EPHB6: variants seen among roughly 807,000 people sequenced by gnomAD.
EPHB6 encodes the protein ephrin type-B receptor 6.
In EPHB6, 51 loss-of-function variants were observed where a neutral mutation model predicts 107.0. That is an observed-to-expected ratio of 0.48 (90% CI 0.38 to 0.60). EPHB6 has a LOEUF of 0.60. EPHB6 is among the 20% of genes least tolerant of loss of function. The pLI is 0.00. For synonymous variants in EPHB6, 553 were observed against 549.0 expected, an observed-to-expected ratio of 1.01 and a Z score of -0.10; for missense variants, 1,141 against 1,355.5, an observed-to-expected ratio of 0.84 and a Z score of 2.48.
At chr7:142,863,100 C>T in intron 4 of EPHB6, 27 bp from the exon 5 acceptor site, 1 of 725,230 alleles carries the variant, frequency 1.4e-6, no homozygotes, top group East Asian at 2.7e-5. Flanking sequence ...TCCCACCTGC[C>T]TCTTCTGGTC....
intron 6 of EPHB6, 74 bp downstream of exon 6, chr7:142,863,769 T>G: frequency 6.4e-7 from 1 of 1,554,720 alleles, no homozygotes; most frequent in South Asian, 1.1e-5. Context: ...GTGGAATTCA[T>G]GAAGGAAACC....
chr7:142,870,241 C>T lies in EPHB6; in HGVS notation c.2638C>T (p.Arg880Trp), dbSNP rs754820368. The T allele has an allele frequency of 4.3e-6, 7 of 1,614,182 alleles. No homozygotes were observed. The highest frequency in any genetic ancestry group is 5.9e-6 in the Non-Finnish European group (7 of 1,180,032). ...EVLNAIEQEF[R>W]LPPPPGCPPG... is the part of the protein sequence containing the mutation. ...ACTAAATGCAATAGAGCAGGAGTTC[C>T]GGCTGCCCCCGCCTCCAGGCTGTCC... The change falls in exon 18 of 20, where the codon CGG (arginine) becomes TGG (tryptophan). Residue 880 changes from arginine (R) to tryptophan (W), a missense_variant. Arg to Trp is a moderately radical substitution (Grantham distance 101). This residue lies in a region of EPHB6 where 616 missense variants were observed against 759.3 expected (regional missense o/e 0.81). Coordinates refer to ENST00000652003, the MANE Select transcript of EPHB6 (RefSeq NM_004445.6).
chr7:142,869,715 G>A lies in EPHB6; in HGVS notation c.2461-102G>A. On this transcript the variant is annotated intron_variant, in intron 16 of 19. Transcript: ENST00000652003. This position sits in a 1 kb window ranked among gnomAD's most constrained non-coding sequence, Gnocchi z 4.5. ...GGTTGTTATGAGGATTAAATGAGAT[G>A]CTTGATGTAAAACCCTTGGCATATC... 1 of 1,338,588 alleles carries A rather than the reference G, an allele frequency of 7.5e-7. No homozygotes were observed. The allele number at this position is 1,338,588 out of a possible 1,614,324, so 82.9% of individuals were successfully genotyped here. A position where few individuals can be genotyped will look rare whatever the true frequency, so the allele number is the denominator to read the frequency against.
At chr7:142,857,472 A>G (rs1802656251) in intron 1 of EPHB6, among the ~76,000 whole-genome samples, 1 of 152,214 alleles carries the variant, frequency 6.6e-6, no homozygotes, top group African/African-American at 2.4e-5. Flanking sequence ...CAAGGATTAT[A>G]CTGGAATTTC....
rs1586182157 is a variant in EPHB6 at position 142,871,049 on chromosome 7, C to T, written c.*145C>T. 3.8e-6 allele frequency: 3 copies of T among 782,534 alleles called. No individual in the cohort carries two copies. Among genetic ancestry groups the T allele is most frequent in the Non-Finnish European group, 6.5e-6 (3 of 463,284 alleles). The allele number at this position is 782,534 out of a possible 1,614,324, so 48.5% of individuals were successfully genotyped here. Reference sequence around the variant, plus strand: ...GGCTGCATTCCCTGGTCCTCCGCCTCTCCACCAGCCCCCTCCTCATTAAAG... The same window carrying T: ...GGCTGCATTCCCTGGTCCTCCGCCTTTCCACCAGCCCCCTCCTCATTAAAG... On this transcript the variant is annotated 3_prime_UTR_variant, in exon 20 of 20. Coordinates refer to ENST00000652003, the MANE Select transcript of EPHB6 (RefSeq NM_004445.6).
chr7:142,870,200 C>T lies in EPHB6; in HGVS notation c.2611-14C>T, dbSNP rs200885129. On this transcript the variant is annotated splice_polypyrimidine_tract_variant and intron_variant, in intron 17 of 19. Coordinates refer to ENST00000652003, the MANE Select transcript of EPHB6 (RefSeq NM_004445.6). ...CAAAACTTCCCATCGTCATAGTCTT[C>T]CTCTGACCCCCAGGTACTAAATGCA... The T allele has an allele frequency of 6.2e-7, 1 of 1,614,052 alleles. No homozygotes were observed. The highest frequency in any genetic ancestry group is 2.2e-5 in the East Asian group (1 of 44,876).
intron 1 of EPHB6, among the ~76,000 whole-genome samples, chr7:142,858,528 C>T (rs1250689075): frequency 3.6e-5 from 5 of 137,946 alleles, no homozygotes; most frequent in African/African-American, 1.3e-4. Context: ...CTCTGCCTCC[C>T]GGGTTCACGC....
At position 142,863,202 on chromosome 7, in the gene EPHB6, G is replaced by A. The variant is rs555131697; in HGVS notation, c.-26G>A. ...CCAGGAGCAGGGTGGTGGCTGGGGC[G>A]ATGGTGGACGCCCTGAAGATGTCCC... On this transcript the variant is annotated 5_prime_UTR_variant, in exon 5 of 20. Transcript: ENST00000652003. 4.1e-5 allele frequency: 66 copies of A among 1,608,478 alleles called. No homozygotes were observed. In the East Asian group the frequency reaches 4.2e-4, roughly 10 times the overall value.
rs201782375 is a variant in EPHB6, at chr7:142,864,665, G to A, written c.865G>A (p.Gly289Arg). The change falls in exon 7 of 20, where the codon GGG becomes AGG. Residue 289 changes from glycine (G) to arginine (R), a missense_variant. By Grantham distance (125) the Gly-to-Arg change is moderately radical. Around this residue, in one of 3 missense-constraint regions of EPHB6, gnomAD observed 304 missense variants for 295.7 expected, o/e 1.03. Coordinates refer to ENST00000652003, the MANE Select transcript of EPHB6 (RefSeq NM_004445.6). ...GGSPPRLHCNGEGKWMVAVGG... is the reference protein window; with the variant it reads ...GGSPPRLHCNREGKWMVAVGG... ...CAGCCCCCCCAGGCTGCACTGCAAC[G>A]GGGAGGGCAAGTGGATGGTAGCTGT... 2.2e-4 allele frequency: 353 copies of A among 1,612,822 alleles called. 1 individual carries two copies. Among genetic ancestry groups the A allele is most frequent in the African/African-American group, 1.5e-3 (113 of 74,920 alleles).
chr7:142,861,819 T>C (rs921101015), intron 2 of EPHB6, among the ~76,000 whole-genome samples, 198 bp from the exon 3 acceptor site: 3 of 152,234 alleles, frequency 2.0e-5, no homozygotes, highest in Admixed American at 1.3e-4. Context: ...TCTTACAATG[T>C]AGTTGCTGGA....
At chr7:142,861,310 A>G (rs1453905618) in intron 2 of EPHB6, 124 bp downstream of exon 2, 1 of 151,458 alleles carries the variant, frequency 6.6e-6, no homozygotes, top group Non-Finnish European at 1.5e-5. Flanking sequence ...GGATATGAAC[A>G]CTGTTTTGAT....
chr7:142,866,422 A>G lies in EPHB6; in HGVS notation c.1463-59A>G, dbSNP rs1313700990. 1.9e-6 allele frequency: 3 copies of G among 1,612,848 alleles called. No individual in the cohort carries two copies. Among genetic ancestry groups the G allele is most frequent in the Non-Finnish European group, 1.7e-6 (2 of 1,179,922 alleles). On this transcript the variant is annotated intron_variant, in intron 9 of 19. Transcript: ENST00000652003. This position sits in a 1 kb window ranked among gnomAD's most constrained non-coding sequence, Gnocchi z 5.2. ...GTCCACCCCTGCCGCCCTCCCCTCA[A>G]GGCTGATCCTGCTCCCAGGGACTCC...
Position 142,860,447 on chromosome 7 carries a change from A to G in EPHB6, c.-431-605A>G, listed in dbSNP as rs8177172. On this transcript the variant is annotated intron_variant, in intron 1 of 19. Transcript: ENST00000652003. Reference sequence around the variant, plus strand: ...GAGAGTTTGGAGGGGATGCACTTACAACATGAATTACTTTAGGATATTTAT... The same window carrying G: ...GAGAGTTTGGAGGGGATGCACTTACGACATGAATTACTTTAGGATATTTAT... Among the ~76,000 whole-genome samples, 677 of 152,340 alleles carry G rather than the reference A, an allele frequency of 4.4e-3. 1 individual carries two copies. Among genetic ancestry groups the G allele is most frequent in the Non-Finnish European group, 6.3e-3 (432 of 68,032 alleles).
intron 5 of EPHB6, 79 bp from the exon 6 acceptor site, chr7:142,863,552 T>C: frequency 1.3e-6 from 2 of 1,538,682 alleles, no homozygotes; most frequent in South Asian, 2.2e-5. Context: ...CATTCTTTTG[T>C]TCGCGGTGGG....
chr7:142,863,720 C>T, intron 6 of EPHB6, 25 bp downstream of exon 6: 1 of 1,611,842 alleles, frequency 6.2e-7, no homozygotes, highest in Non-Finnish European at 8.5e-7. Context: ...AATTCTGAAC[C>T]TGAATCCCTT....
Position 142,865,482 on chromosome 7 carries a change from A to G in EPHB6, c.957A>G (p.Pro319=). ...ARGDKACQAC[P]RGLYKASAGN... ...TCTCCTCTGCCTCCTCAGCCTGCCC[A>G]CGGGGGCTCTATAAGGCTTCTGCTG... The change falls in exon 8 of 20, where the codon CCA becomes CCG. Residue 319 remains proline, a synonymous_variant. Transcript: ENST00000652003. The G allele has an allele frequency of 5.6e-6, 9 of 1,613,266 alleles. No homozygotes were observed. The highest frequency in any genetic ancestry group is 7.6e-6 in the Non-Finnish European group (9 of 1,179,992).
At chr7:142,859,342 TTC>T (rs1428164715) in intron 1 of EPHB6, among the ~76,000 whole-genome samples, 3 of 152,216 alleles carry the variant, frequency 2.0e-5, no homozygotes, top group African/African-American at 7.2e-5. Context: ...AAAAATCAAG[TTC>T]TGAGTCCTGC....
At chr7:142,857,468 T>C (rs1166533178) in intron 1 of EPHB6, among the ~76,000 whole-genome samples, 2 of 152,164 alleles carry the variant, frequency 1.3e-5, no homozygotes, top group African/African-American at 4.8e-5. Flanking sequence ...TGAGCAAGGA[T>C]TATACTGGAA....
Position 142,869,396 on chromosome 7 carries a change from G to A in EPHB6, c.2460+249G>A, listed in dbSNP as rs1178381972. ...CTGCAACAATCTAGAACTACCTCCT[G>A]CCCTTCCCCCATTGTGGAGATTACA... On this transcript the variant is annotated intron_variant, in intron 16 of 19. Transcript: ENST00000652003. The surrounding 1 kb of genome is among the most constrained non-coding windows in gnomAD (Gnocchi z 4.5). 6.6e-6 allele frequency among the ~76,000 whole-genome samples: 1 copy of A among 152,212 alleles called. No individual in the cohort carries two copies. The highest frequency in any genetic ancestry group is 1.9e-4 in the East Asian group (1 of 5,180).
Sources: gnomAD v4.1 joint callset for allele counts (sites outside exome capture counted in the v4.1 genomes callset) on GRCh38, gnomAD v4.1.1 for gene constraint, gnomAD v4.1.1 regional missense constraint, Gnocchi (gnomAD v3.1) non-coding constraint, MANE v1.5 for transcripts, NCBI Gene and HGNC (gene_info 2026-07-23, HGNC 2026-07-21) for gene names.